The following SPSB4 variants were observed in gnomAD, a reference collection of about 807,000 sequenced individuals.
SPSB4 encodes SPRY domain-containing SOCS box protein 4.
SPSB4 carries 21 observed loss-of-function variants against 20.9 expected under a neutral mutation model. The ratio of observed to expected loss-of-function variants is 1.01; its 90% CI spans 0.71 to 1.45. The LOEUF is 1.45. Among genes scored for constraint, SPSB4 ranks in the 40% most tolerant of loss-of-function variants. The probability of loss-of-function intolerance (pLI) is 0.00; values close to 1 mark genes in which losing one functional copy is unlikely to be tolerated. For synonymous variants in SPSB4, 207 were observed against 183.8 expected (o/e 1.13, Z -1.02); for missense variants, 399 against 399.2 (o/e 1.00, Z 0.00).
At position 141,066,597 on chromosome 3, in the gene SPSB4, C is replaced by A; in HGVS notation, c.493C>A (p.Leu165Met). ...NQPGVAYPAF[L>M]GPDEAFALPD... ...GCCCGGCGTGGCCTACCCGGCCTTT[C>A]TGGGGCCCGACGAGGCCTTTGCGCT... Residue 165 changes from leucine to methionine, a missense_variant, in exon 2 of 3, where the codon CTG becomes ATG. Leu to Met is a conservative substitution (Grantham distance 15). Transcript: ENST00000310546. 1 of 1,578,360 alleles carries A rather than the reference C, an allele frequency of 6.3e-7. No homozygotes were observed. The highest frequency in any genetic ancestry group is 8.6e-7 in the Non-Finnish European group (1 of 1,162,546).
Position 141,111,434 on chromosome 3 carries a change from A to G in SPSB4, c.695-35708A>G, listed in dbSNP as rs572616546. ...CCCTCATGGGGTCATCATAAGGATT[A>G]AGGGAAATGATTTGTCAAAAATTCT... On this transcript the variant is annotated intron_variant, in intron 2 of 2. Transcript: ENST00000310546. Among the ~76,000 whole-genome samples the G allele has an allele frequency of 1.6e-4, 19 of 120,548 alleles. 1 individual carries two copies. Among genetic ancestry groups the G allele is most frequent in the South Asian group, 1.2e-3 (4 of 3,432 alleles). The allele number at this position is 120,548 out of a possible 152,430, so 79.1% of individuals were successfully genotyped here.
intron 1 of SPSB4, among the ~76,000 whole-genome samples, chr3:141,059,326 T>C (rs1937719310): frequency 6.6e-6 from 1 of 152,188 alleles, no homozygotes; most frequent in African/African-American, 2.4e-5. Flanking sequence ...TACCTAAGAC[T>C]GAGTAATTTA....
rs995756793 is a variant in SPSB4, at chr3:141,120,666, T to C, written c.695-26476T>C. ...AATCGATCCCTTTACCATTATGTAA[T>C]GGCCTTCTTTGTCTCTTTTGATCTT... On this transcript the variant is annotated intron_variant, in intron 2 of 2. Transcript: ENST00000310546. Among the ~76,000 whole-genome samples, 20 of 152,362 alleles carry C rather than the reference T, an allele frequency of 1.3e-4. 1 individual carries two copies. The highest frequency in any genetic ancestry group is 4.8e-4 in the African/African-American group (20 of 41,578).
At chr3:141,130,394 C>T (rs1939114569) in intron 2 of SPSB4, among the ~76,000 whole-genome samples, 1 of 152,178 alleles carries the variant, frequency 6.6e-6, no homozygotes, top group Admixed American at 6.5e-5. Flanking sequence ...CTGTGGATAA[C>T]TGATGAGCAC....
intron 2 of SPSB4, among the ~76,000 whole-genome samples, chr3:141,104,144 G>C (rs1243026523): frequency 6.6e-6 from 1 of 152,238 alleles, no homozygotes; most frequent in Non-Finnish European, 1.5e-5. Context: ...GTACAGACAA[G>C]GAGTGCCTGC....
chr3:141,134,779 C>T (rs546493688), intron 2 of SPSB4, among the ~76,000 whole-genome samples: 23 of 151,404 alleles, frequency 1.5e-4, no homozygotes, highest in East Asian at 1.4e-3. Flanking sequence ...CTGTAGTTTT[C>T]GTTTTTTGTT....
At chr3:141,092,924 A>C (rs1401535652) in intron 2 of SPSB4, among the ~76,000 whole-genome samples, 2 of 152,168 alleles carry the variant, frequency 1.3e-5, no homozygotes, top group Non-Finnish European at 2.9e-5. Flanking sequence ...GGCTAGTCTG[A>C]TGCTTGGGCT....
intron 2 of SPSB4, among the ~76,000 whole-genome samples, chr3:141,070,005 T>C (rs1217985014): frequency 6.6e-6 from 1 of 152,226 alleles, no homozygotes; most frequent in Non-Finnish European, 1.5e-5. Flanking sequence ...TGTGATTTCC[T>C]ATTGCAAATG....
Position 141,066,781 on chromosome 3 carries a change from A to G in SPSB4, c.677A>G (p.Tyr226Cys), listed in dbSNP as rs1937894908. The part of the protein sequence containing the change: ...VWGHCEVTMR[Y>C]INGLDPEPLP... ...GGCCACTGTGAAGTCACCATGCGCT[A>G]CATCAACGGCCTTGACCGTAAGTTG... The change falls in exon 2 of 3, where the codon TAC becomes TGC. Residue 226 changes from tyrosine to cysteine, a missense_variant. By Grantham distance (194) the Tyr-to-Cys change is radical. Transcript: ENST00000310546. The G allele has an allele frequency of 2.6e-6, 4 of 1,556,544 alleles. No individual in the cohort carries two copies. The highest frequency in any genetic ancestry group is 1.7e-4 in the Middle Eastern group (1 of 5,788).
In SPSB4 at chr3:141,138,445, C is replaced by T. The variant is rs190592257; in HGVS notation, c.695-8697C>T. Among the ~76,000 whole-genome samples, 1,153 of 152,284 alleles carry T rather than the reference C, an allele frequency of 7.6e-3. 22 individuals carry two copies. The highest frequency in any genetic ancestry group is 0.044 in the Admixed American group (669 of 15,294). On this transcript the variant is annotated intron_variant, in intron 2 of 2. Transcript: ENST00000310546. Reference sequence around the variant, plus strand: ...TGATGTTAGGGTGTCAATTTTAGATCTTACCTGCTTTCTCTTGTGGGCATT... The same window carrying T: ...TGATGTTAGGGTGTCAATTTTAGATTTTACCTGCTTTCTCTTGTGGGCATT...
intron 1 of SPSB4, among the ~76,000 whole-genome samples, chr3:141,058,603 G>T (rs1296452841): frequency 6.6e-6 from 1 of 152,154 alleles, no homozygotes; most frequent in Non-Finnish European, 1.5e-5. Context: ...GAGGAGAGGA[G>T]AAATGTGCTA....
chr3:141,070,219 TAATAGCAAC>T (rs1254218415), intron 2 of SPSB4, among the ~76,000 whole-genome samples: 8 of 152,124 alleles, frequency 5.3e-5, no homozygotes, highest in African/African-American at 1.4e-4. Flanking sequence ...ATAATAATAA[TAATAGCAAC>T]AATAGCAACA....
chr3:141,084,687 TG>T (rs1160258820), intron 2 of SPSB4, among the ~76,000 whole-genome samples: 2 of 152,208 alleles, frequency 1.3e-5, no homozygotes, highest in African/African-American at 2.4e-5. Context: ...GGCATTAACC[TG>T]GACCAATAGA....
In SPSB4 at chr3:141,074,708, T is replaced by C. The variant is rs1320991650; in HGVS notation, c.694+7910T>C. 2.0e-5 allele frequency among the ~76,000 whole-genome samples: 3 copies of C among 152,216 alleles called. No homozygotes were observed. In the East Asian group the frequency reaches 5.8e-4, roughly 29 times the overall value. Reference sequence around the variant, plus strand: ...ACATGCATTCACAAGGATACCCAAATGAGCAGCACCTTCACCAGCTGTGTG... The same window carrying C: ...ACATGCATTCACAAGGATACCCAAACGAGCAGCACCTTCACCAGCTGTGTG... On this transcript the variant is annotated intron_variant, in intron 2 of 2. Transcript: ENST00000310546.
intron 2 of SPSB4, among the ~76,000 whole-genome samples, chr3:141,081,846 G>A (rs1466476777): frequency 2.0e-5 from 3 of 152,204 alleles, no homozygotes; most frequent in African/African-American, 7.2e-5. Flanking sequence ...GCAAAGGCCT[G>A]GACGGCGTTA....
rs1312579909 is a variant in SPSB4, at chr3:141,066,011, G to T, written c.-94G>T. 1.7e-6 allele frequency: 2 copies of T among 1,194,922 alleles called. No individual in the cohort carries two copies. Among genetic ancestry groups the T allele is most frequent in the Non-Finnish European group, 2.2e-6 (2 of 900,356 alleles). 74.0% of individuals were successfully genotyped at this position (1,194,922 alleles called of 1,614,324 possible). On this transcript the variant is annotated 5_prime_UTR_variant, in exon 2 of 3. Coordinates refer to ENST00000310546, the MANE Select transcript of SPSB4 (RefSeq NM_080862.3). ...GTGGAGGTCTACCGTCCGGAAGCCT[G>T]GTTCCCAGCCCCGTGGCCCATTCCT...
chr3:141,092,598 C>T (rs1321367075), intron 2 of SPSB4, among the ~76,000 whole-genome samples: 1 of 152,240 alleles, frequency 6.6e-6, no homozygotes. Context: ...AGGCAGCTAC[C>T]ACCTTTGCCC....
At chr3:141,142,922 T>C (rs560266070) in intron 2 of SPSB4, among the ~76,000 whole-genome samples, 1 of 143,146 alleles carries the variant, frequency 7.0e-6, no homozygotes, top group African/African-American at 2.5e-5. Context: ...GTTCACACCA[T>C]TCTCCTGCCT....
rs1431854748 is a variant in SPSB4, at chr3:141,066,268, C to T, written c.164C>T (p.Ala55Val). Reference protein sequence around the residue: ...AAGLAVQLRHAWNPEDRSLNV... With the variant: ...AAGLAVQLRHVWNPEDRSLNV... Reference sequence around the variant, plus strand: ...GGGCTGGCTGTGCAGCTGCGGCACGCGTGGAACCCCGAGGACCGCTCGCTC... The same window carrying T: ...GGGCTGGCTGTGCAGCTGCGGCACGTGTGGAACCCCGAGGACCGCTCGCTC... The change falls in exon 2 of 3, where the codon GCG becomes GTG. Residue 55 changes from alanine (A) to valine (V), a missense_variant. Coordinates refer to ENST00000310546, the MANE Select transcript of SPSB4 (RefSeq NM_080862.3). The T allele has an allele frequency of 1.3e-6, 2 of 1,555,568 alleles. No homozygotes were observed. The highest frequency in any genetic ancestry group is 1.2e-5 in the South Asian group (1 of 84,110).
Sources: gnomAD v4.1 joint callset for allele counts (sites outside exome capture counted in the v4.1 genomes callset) on GRCh38, gnomAD v4.1.1 for gene constraint, MANE v1.5 for transcripts, NCBI Gene and HGNC (gene_info 2026-07-23, HGNC 2026-07-21) for gene names.